Variants in CACNA1E observed in about 807,000 individuals in gnomAD.
CACNA1E encodes calcium voltage-gated channel subunit alpha1 E.
CACNA1E carries 40 observed loss-of-function variants against 259.2 expected under a neutral mutation model. That is an observed-to-expected ratio of 0.15 (90% CI 0.12 to 0.20). The LOEUF is 0.20. Ranked by LOEUF, CACNA1E falls within the 10% of genes least tolerant of loss-of-function variation. CACNA1E has a pLI of 1.00. For synonymous variants in CACNA1E, 1,104 were observed against 1,138.5 expected, an observed-to-expected ratio of 0.97 and a Z score of 0.61; for missense variants, 1,874 against 3,040.1, an observed-to-expected ratio of 0.62 and a Z score of 9.02.
intron 7 of CACNA1E, among the ~76,000 whole-genome samples, chr1:181,674,394 CAAAAAA>C (rs10711497): frequency 4.6e-5 from 2 of 43,586 alleles, no homozygotes; most frequent in Non-Finnish European, 4.2e-5. Flanking sequence ...GACTCCATCT[CAAAAAA>C]AAAAAAAAAA....
intron 35 of CACNA1E, among the ~76,000 whole-genome samples, chr1:181,767,373 G>A (rs1659108450): frequency 6.6e-6 from 1 of 152,198 alleles, no homozygotes; most frequent in Non-Finnish European, 1.5e-5. Context: ...GAACCTATCT[G>A]GTTGGAGACA....
chr1:181,456,059 G>A (rs1661444986), intron 2 of CACNA1E, among the ~76,000 whole-genome samples: 1 of 152,206 alleles, frequency 6.6e-6, no homozygotes, highest in African/African-American at 2.4e-5. Context: ...TTGAGCCCAG[G>A]AATGGGAAGG....
At chr1:181,690,036 G>A (rs145904749) in intron 7 of CACNA1E, among the ~76,000 whole-genome samples, 18,331 of 151,986 alleles carry the variant, frequency 0.12, 1,132 homozygotes, top group Admixed American at 0.16. Flanking sequence ...TGTTTTAGTC[G>A]TGAAGTCTTT....
chr1:181,459,162 A>T (rs6689920), intron 2 of CACNA1E, among the ~76,000 whole-genome samples: 3 of 152,148 alleles, frequency 2.0e-5, no homozygotes, highest in Non-Finnish European at 4.4e-5. Context: ...GGAAGCAACC[A>T]CTATGGGAGG....
intron 1 of CACNA1E, among the ~76,000 whole-genome samples, chr1:181,488,114 T>C (rs1397423652): frequency 2.0e-5 from 3 of 152,236 alleles, no homozygotes; most frequent in Admixed American, 2.0e-4. Context: ...CATTGTAAAA[T>C]GTCCGTTTAT....
intron 21 of CACNA1E, among the ~76,000 whole-genome samples, chr1:181,734,390 C>T (rs1035745659): frequency 1.3e-5 from 2 of 151,900 alleles, no homozygotes. Context: ...AAAAAAAGCA[C>T]TTCCCCACCC....
chr1:181,545,525 T>C (rs551932955), intron 3 of CACNA1E, among the ~76,000 whole-genome samples: 1 of 152,104 alleles, frequency 6.6e-6, no homozygotes, highest in South Asian at 2.1e-4. Flanking sequence ...AGGTGGGAGA[T>C]TTCCTCCTCC....
At chr1:181,544,877 T>G (rs1402995990) in intron 3 of CACNA1E, among the ~76,000 whole-genome samples, 1 of 152,204 alleles carries the variant, frequency 6.6e-6, no homozygotes, top group African/African-American at 2.4e-5. Context: ...GCTGTTTGTT[T>G]TGGTCATTGT....
rs1658776483 is a variant in CACNA1E, at chr1:181,763,617, T to G, written c.4815+86T>G. ...CACTGGCATCATTACCCAAGTCCCT[T>G]CACCTCTGGGAAGCTGAAGCTAGTA... On this transcript the variant is annotated intron_variant, in intron 34 of 47. Transcript: ENST00000367573. The G allele has an allele frequency of 3.7e-6, 4 of 1,083,822 alleles. No individual in the cohort carries two copies. In the East Asian group the frequency reaches 1.0e-4, roughly 28 times the overall value. 67.1% of individuals were successfully genotyped at this position (1,083,822 alleles called of 1,614,324 possible).
chr1:181,341,547 GA>G (rs757469881), intron 1 of CACNA1E, among the ~76,000 whole-genome samples: 4 of 152,134 alleles, frequency 2.6e-5, no homozygotes, highest in African/African-American at 4.8e-5. Context: ...GCCTCCCAGG[GA>G]ACCTTCTCCT....
At chr1:181,403,574 G>T (rs1006629726) in intron 1 of CACNA1E, among the ~76,000 whole-genome samples, 1 of 151,986 alleles carries the variant, frequency 6.6e-6, no homozygotes, top group African/African-American at 2.4e-5. Context: ...ATTTATAGAG[G>T]ATGAACTACA....
Position 181,705,307 on chromosome 1 carries a change from C to T in CACNA1E, c.1056-5647C>T, listed in dbSNP as rs575264821. ...ATGAGATTATGTAATTCTTCCACTT[C>T]ATCTTAATGATTAATTATATAGAAT... On this transcript the variant is annotated intron_variant, in intron 7 of 47. Coordinates refer to ENST00000367573, the MANE Select transcript of CACNA1E (RefSeq NM_001205293.3). Among the ~76,000 whole-genome samples, 57 of 152,340 alleles carry T rather than the reference C, an allele frequency of 3.7e-4. 1 individual carries two copies. The South Asian group carries it at 6.8e-3, about 18-fold the overall frequency.
At chr1:181,338,542 A>G (rs182579502) in intron 1 of CACNA1E, among the ~76,000 whole-genome samples, 3 of 124,134 alleles carry the variant, frequency 2.4e-5, no homozygotes, top group African/African-American at 9.0e-5. Context: ...TGAGTTCTTT[A>G]TATACTTTAA....
At chr1:181,380,432 A>C (rs1055415819) in intron 1 of CACNA1E, among the ~76,000 whole-genome samples, 1 of 152,218 alleles carries the variant, frequency 6.6e-6, no homozygotes, top group Admixed American at 6.5e-5. Context: ...AATCAATTAC[A>C]TAGAAAACAG....
At chr1:181,558,221 A>G (rs965863380) in intron 3 of CACNA1E, among the ~76,000 whole-genome samples, 1 of 152,214 alleles carries the variant, frequency 6.6e-6, no homozygotes, top group African/African-American at 2.4e-5. Flanking sequence ...GCAAGAGTTC[A>G]TATAGATGCT....
In CACNA1E at chr1:181,807,190, T is replaced by A. The variant is rs1420766064; in HGVS notation, c.*8356T>A. On this transcript the variant is annotated 3_prime_UTR_variant, in exon 48 of 48. Coordinates refer to ENST00000367573, the MANE Select transcript of CACNA1E (RefSeq NM_001205293.3). ...TTGGATAACATTTTTTTTTAAAGATTCCATACAAACTCATTCCCTGAAAGA... is the reference window on the plus strand; with the variant it reads ...TTGGATAACATTTTTTTTTAAAGATACCATACAAACTCATTCCCTGAAAGA... The A allele has an allele frequency of 2.0e-5, 3 of 151,624 alleles. No individual in the cohort carries two copies. Among genetic ancestry groups the A allele is most frequent in the Non-Finnish European group, 4.4e-5 (3 of 67,918 alleles). The allele number at this position is 151,624 out of a possible 1,614,324, so 9.4% of individuals were successfully genotyped here.
At chr1:181,429,193 A>G (rs1050855189) in intron 2 of CACNA1E, among the ~76,000 whole-genome samples, 3 of 152,130 alleles carry the variant, frequency 2.0e-5, no homozygotes, top group Non-Finnish European at 2.9e-5. Context: ...AAAAAAACAA[A>G]AAAGAATTGT....
intron 6 of CACNA1E, among the ~76,000 whole-genome samples, chr1:181,582,267 AG>A (rs1170739218): frequency 1.3e-5 from 2 of 152,218 alleles, no homozygotes; most frequent in Non-Finnish European, 2.9e-5. Flanking sequence ...AAAGCCCTGG[AG>A]GACACTCTGC....
chr1:181,334,947 A>G lies in CACNA1E; in HGVS notation c.-15+16824A>G, dbSNP rs372988604. Among the ~76,000 whole-genome samples the G allele has an allele frequency of 1.4e-4, 22 of 152,214 alleles. No homozygotes were observed. In the South Asian group the frequency reaches 4.6e-3, roughly 32 times the overall value. On this transcript the variant is annotated intron_variant, in intron 1 of 11. Coordinates refer to the CACNA1E transcript ENST00000524607. ...CCGCTTATCTCCCTGGACTGTCCAC[A>G]GCTCTCCCCATCTCTCTCTATTCCA...
Sources: allele counts gnomAD v4.1 joint callset (sites outside exome capture counted in the v4.1 genomes callset), GRCh38; gene constraint gnomAD v4.1.1; transcripts MANE v1.5; gene names NCBI Gene and HGNC (gene_info 2026-07-23, HGNC 2026-07-21).